The following PROX1 variants were observed in gnomAD, a reference collection of about 807,000 sequenced individuals.
PROX1 encodes prospero homeobox protein 1.
A neutral mutation model predicts 58.8 loss-of-function variants in PROX1; 7 were observed. That is an observed-to-expected ratio of 0.12 (90% confidence interval 0.07 to 0.22). The LOEUF (loss-of-function observed/expected upper bound fraction) is 0.22, where lower values mean the gene tolerates loss of function less well. PROX1 is among the 10% of genes least tolerant of loss of function. The pLI is 1.00. For synonymous variants in PROX1, 350 were observed against 358.3 expected (o/e 0.98, Z 0.26); for missense variants, 675 against 927.8 (o/e 0.73, Z 3.54).
chr1:213,998,920 A>G (rs1663390248), intron 2 of PROX1, among the ~76,000 whole-genome samples: 1 of 152,092 alleles, frequency 6.6e-6, no homozygotes, highest in Admixed American at 6.5e-5. Context: ...TTCAGACAGC[A>G]TCGGTCTCTC....
chr1:214,023,757 C>A (rs1664362924), intron 4 of PROX1, among the ~76,000 whole-genome samples: 1 of 152,070 alleles, frequency 6.6e-6, no homozygotes, highest in Non-Finnish European at 1.5e-5. Flanking sequence ...GGCTATTGCA[C>A]CTAAGTTCTG....
chr1:214,031,726 G>T (rs1484619790), intron 4 of PROX1, among the ~76,000 whole-genome samples: 3 of 152,188 alleles, frequency 2.0e-5, no homozygotes, highest in African/African-American at 7.2e-5. Context: ...ATTCTGATAA[G>T]ACTGGTTTCT....
intron 4 of PROX1, among the ~76,000 whole-genome samples, chr1:214,031,316 A>G (rs995409592): frequency 2.6e-5 from 4 of 152,164 alleles, no homozygotes; most frequent in African/African-American, 9.7e-5. Flanking sequence ...ATCTGGGGTG[A>G]CGTTCCTATA....
chr1:213,998,629 C>T (rs562929816), intron 2 of PROX1, among the ~76,000 whole-genome samples: 2 of 152,130 alleles, frequency 1.3e-5, no homozygotes, highest in East Asian at 3.9e-4. Context: ...ATTGTAAATA[C>T]TGATTGAATT....
At position 214,037,530 on chromosome 1, in the gene PROX1, C is replaced by CAATT. The variant is rs1462877011; in HGVS notation, c.*1698_*1701dup. The CAATT allele has an allele frequency of 6.6e-6, 1 of 152,200 alleles. No individual in the cohort carries two copies. Among genetic ancestry groups the CAATT allele is most frequent in the Non-Finnish European group, 1.5e-5 (1 of 68,044 alleles). The allele number at this position is 152,200 out of a possible 1,614,324, so 9.4% of individuals were successfully genotyped here. Reference sequence around the variant, plus strand: ...GCTGATGGACAGGAATGTATGAACTCAATTATTGTCAGCACAAAGCCTTAA... The same window carrying CAATT: ...GCTGATGGACAGGAATGTATGAACTCAATTAATTATTGTCAGCACAAAGCCTTAA... On this transcript the variant is annotated 3_prime_UTR_variant, in exon 5 of 5. Transcript: ENST00000366958.
Position 214,025,948 on chromosome 1 carries a change from C to T in PROX1, c.2029-9701C>T, listed in dbSNP as rs1664442400. Among the ~76,000 whole-genome samples the T allele has an allele frequency of 2.0e-5, 3 of 152,168 alleles. No individual in the cohort carries two copies. The South Asian group carries it at 6.2e-4, about 32-fold the overall frequency. On this transcript the variant is annotated intron_variant, in intron 4 of 4. Coordinates refer to ENST00000366958, the MANE Select transcript of PROX1 (RefSeq NM_001270616.2). ...AAGTGCTGGGATTACAGGCGTGAGC[C>T]ACCGCACCCGGCCAATTCCATGAGT... is the stretch of plus-strand genomic sequence containing the variant.
intron 4 of PROX1, among the ~76,000 whole-genome samples, chr1:214,025,252 C>G (rs12092859): frequency 0.069 from 10,493 of 152,184 alleles, 788 homozygotes; most frequent in African/African-American, 0.19. Flanking sequence ...GGGGAATGGT[C>G]TGGCCTTACA....
intron 4 of PROX1, among the ~76,000 whole-genome samples, chr1:214,020,795 T>C (rs1473446979): frequency 6.6e-6 from 1 of 152,246 alleles, no homozygotes; most frequent in African/African-American, 2.4e-5. Flanking sequence ...GATTTTAGTT[T>C]TCAGGTGTAG....
In PROX1 at chr1:213,997,837, C is replaced by T; in HGVS notation, c.1302C>T (p.Asp434=). The T allele has an allele frequency of 6.2e-7, 1 of 1,614,142 alleles. No homozygotes were observed. Among genetic ancestry groups the T allele is most frequent in the Non-Finnish European group, 8.5e-7 (1 of 1,180,004 alleles). ...ATGTGCAGATGGCCAGTTCCACTGA[C>T]CAGACAGAAGCACTGCCCCTGGTTG... ...FGNVQMASST[D]QTEALPLVVR... is the part of the protein sequence containing the mutation. The change falls in exon 2 of 5, where the codon GAC becomes GAT. Residue 434 remains aspartate (D), a synonymous_variant. Coordinates refer to ENST00000366958, the MANE Select transcript of PROX1 (RefSeq NM_001270616.2). The surrounding 1 kb of genome is among the most constrained non-coding windows in gnomAD (Gnocchi z 7.1).
intron 2 of PROX1, among the ~76,000 whole-genome samples, chr1:213,999,521 C>T (rs1323020932): frequency 6.6e-6 from 1 of 152,154 alleles, no homozygotes; most frequent in African/African-American, 2.4e-5. Context: ...GGTCGTACTT[C>T]AAGCCACCTC....
upstream of PROX1, chr1:213,985,272 C>G (rs889142834): frequency 2.6e-5 from 4 of 152,168 alleles, no homozygotes; most frequent in Admixed American, 6.5e-5. Flanking sequence ...GAAAACAAAG[C>G]GGGAGTCGCC....
At position 214,036,706 on chromosome 1, in the gene PROX1, G is replaced by A. The variant is rs182175922; in HGVS notation, c.*872G>A. On this transcript the variant is annotated 3_prime_UTR_variant, in exon 5 of 5. Transcript: ENST00000366958. Reference sequence around the variant, plus strand: ...TTTCCAATTTACGCTGCTCAACTTTGTTTATATGCTTAAAAGGATTCTGTT... The same window carrying A: ...TTTCCAATTTACGCTGCTCAACTTTATTTATATGCTTAAAAGGATTCTGTT... The A allele has an allele frequency of 7.9e-5, 12 of 152,270 alleles. No homozygotes were observed. Among genetic ancestry groups the A allele is most frequent in the Non-Finnish European group, 1.5e-4 (10 of 68,000 alleles). 9.4% of individuals were successfully genotyped at this position (152,270 alleles called of 1,614,324 possible). A position where few individuals can be genotyped will look rare whatever the true frequency, so the allele number is the denominator to read the frequency against.
At chr1:213,986,164 T>C (rs1662818579), upstream of PROX1, 1 of 152,048 alleles carries the variant, frequency 6.6e-6, no homozygotes, top group African/African-American at 2.4e-5. Context: ...CACATCCCGG[T>C]TAGAACACCT....
intron 4 of PROX1, among the ~76,000 whole-genome samples, chr1:214,028,491 A>G (rs1664534673): frequency 6.6e-6 from 1 of 152,176 alleles, no homozygotes; most frequent in Non-Finnish European, 1.5e-5. Context: ...AACTTTTCTC[A>G]ACCGGTTGAC....
chr1:213,994,731 T>C, intron 1 of PROX1, among the ~76,000 whole-genome samples: 1 of 135,886 alleles, frequency 7.4e-6, no homozygotes, highest in African/African-American at 2.8e-5. Flanking sequence ...GCAAAAAGTA[T>C]TTCATTCTCA....
intron 1 of PROX1, among the ~76,000 whole-genome samples, chr1:213,993,847 G>A (rs1446491463): frequency 1.3e-5 from 2 of 152,154 alleles, no homozygotes; most frequent in African/African-American, 4.8e-5. Flanking sequence ...AGACCTAAAA[G>A]TATTTAAATT....
upstream of PROX1, among the ~76,000 whole-genome samples, chr1:213,983,627 T>A (rs1662753052): frequency 6.6e-6 from 1 of 152,130 alleles, no homozygotes; most frequent in Admixed American, 6.5e-5. Flanking sequence ...GAACCAAAGA[T>A]GGTGGGCAAG....
chr1:214,000,042 T>TCACACA lies in PROX1; in HGVS notation c.1725+1782_1725+1783insCACACA, dbSNP rs1558172446. ...GGTTCTTTCTGTCTCTCTCTCTCTCTTACACACACACACACACACACACAG... is the reference window on the plus strand; with the variant it reads ...GGTTCTTTCTGTCTCTCTCTCTCTCTCACACATACACACACACACACACACACACAG... On this transcript the variant is annotated intron_variant, in intron 2 of 4. Transcript: ENST00000366958. 8.3e-3 allele frequency among the ~76,000 whole-genome samples: 1,120 copies of TCACACA among 134,268 alleles called. 9 individuals carry two copies. The highest frequency in any genetic ancestry group is 0.032 in the African/African-American group (1,060 of 33,068). 88.1% of individuals were successfully genotyped at this position (134,268 alleles called of 152,430 possible). A position where few individuals can be genotyped will look rare whatever the true frequency, so the allele number is the denominator to read the frequency against.
At chr1:214,024,284 T>G (rs1260734026) in intron 4 of PROX1, among the ~76,000 whole-genome samples, 1 of 152,192 alleles carries the variant, frequency 6.6e-6, no homozygotes, top group Non-Finnish European at 1.5e-5. Flanking sequence ...TCCTTAGTTT[T>G]GCAAAGGGTG....
Sources: allele counts gnomAD v4.1 joint callset (sites outside exome capture counted in the v4.1 genomes callset), GRCh38; gene constraint gnomAD v4.1.1; non-coding constraint Gnocchi (gnomAD v3.1); transcripts MANE v1.5; gene names NCBI Gene and HGNC (gene_info 2026-07-23, HGNC 2026-07-21).